The following TIMP3 variants were observed in gnomAD, a reference collection of about 807,000 sequenced individuals.
The protein encoded by TIMP3 is metalloproteinase inhibitor 3.
A neutral mutation model predicts 30.0 loss-of-function variants in TIMP3; 11 were observed. That is an observed-to-expected ratio of 0.37 (90% CI 0.23 to 0.61). The LOEUF is 0.61. Ranked by LOEUF, TIMP3 falls within the 20% of genes least tolerant of loss-of-function variation. The pLI, the probability that TIMP3 is intolerant of heterozygous loss-of-function variation, is 0.70. For missense variants in TIMP3, 181 were observed against 276.8 expected, an observed-to-expected ratio of 0.65 and a Z score of 2.45; for synonymous variants, 112 against 111.3, an observed-to-expected ratio of 1.01 and a Z score of -0.04.
At chr22:32,845,351 C>A (rs967909820) in intron 1 of TIMP3, among the ~76,000 whole-genome samples, 2 of 152,072 alleles carry the variant, frequency 1.3e-5, no homozygotes, top group African/African-American at 4.8e-5. Context: ...CGGCCCCATG[C>A]CCAGCTAATT....
intron 1 of TIMP3, among the ~76,000 whole-genome samples, chr22:32,806,781 T>TTATCATC (rs1373944532): frequency 6.9e-6 from 1 of 144,930 alleles, no homozygotes; most frequent in African/African-American, 2.5e-5. Flanking sequence ...TATTTATCAT[T>TTATCATC]TATCATCTAT....
chr22:32,843,195 T>C (rs1404870027), intron 1 of TIMP3, among the ~76,000 whole-genome samples: 1 of 152,182 alleles, frequency 6.6e-6, no homozygotes, highest in Non-Finnish European at 1.5e-5. Flanking sequence ...CCTTACCAGC[T>C]TGCCATGAGG....
intron 4 of TIMP3, 65 bp downstream of exon 4, chr22:32,858,203 TC>T: frequency 2.5e-6 from 4 of 1,599,930 alleles, no homozygotes; most frequent in Non-Finnish European, 3.4e-6. Context: ...AAACATCAGC[TC>T]CCAATGCACT....
chr22:32,806,623 T>C (rs1482614100), intron 1 of TIMP3, among the ~76,000 whole-genome samples: 3 of 152,208 alleles, frequency 2.0e-5, no homozygotes, highest in African/African-American at 4.8e-5. Flanking sequence ...TGGGCTACCT[T>C]TGAGCTTTAG....
chr22:32,821,518 G>A (rs986289167), intron 1 of TIMP3, among the ~76,000 whole-genome samples: 1 of 152,178 alleles, frequency 6.6e-6, no homozygotes, highest in Non-Finnish European at 1.5e-5. Flanking sequence ...TGAATGACCT[G>A]GTTAACAGAC....
rs1248126375 is a variant in TIMP3, at chr22:32,859,922, C to T, written c.*545C>T. On this transcript the variant is annotated 3_prime_UTR_variant, in exon 5 of 5. Coordinates refer to ENST00000266085, the MANE Select transcript of TIMP3 (RefSeq NM_000362.5). ...ACACCAGGAGCTGCCACTGCATGTC[C>T]CAACCAGACTGTGTCTGTCTGTGTC... The T allele has an allele frequency of 1.8e-5, 3 of 163,694 alleles. No homozygotes were observed. The East Asian group carries it at 5.4e-4, about 30-fold the overall frequency. 10.1% of individuals were successfully genotyped at this position (163,694 alleles called of 1,614,324 possible).
chr22:32,857,436 G>A (rs1461207030), intron 3 of TIMP3, 76 bp downstream of exon 3: 8 of 1,100,570 alleles, frequency 7.3e-6, no homozygotes, highest in East Asian at 4.7e-5. Context: ...GAACACATAC[G>A]GAGTAGTTGA....
intron 1 of TIMP3, among the ~76,000 whole-genome samples, chr22:32,816,335 G>A (rs1051244749): frequency 1.3e-5 from 2 of 152,152 alleles, no homozygotes; most frequent in African/African-American, 4.8e-5. Flanking sequence ...GTAGGTGCTC[G>A]ATAAACATGG....
Position 32,859,208 on chromosome 22 carries a change from T to C in TIMP3, c.467T>C (p.Phe156Ser). 6.2e-7 allele frequency: 1 copy of C among 1,614,198 alleles called. No individual in the cohort carries two copies. Among genetic ancestry groups the C allele is most frequent in the Non-Finnish European group, 8.5e-7 (1 of 1,180,044 alleles). Residue 156 changes from phenylalanine to serine, a missense_variant, in exon 5 of 5, where the codon TTT becomes TCT. Around this residue, in one of 3 missense-constraint regions of TIMP3, gnomAD observed 63 missense variants for 133.3 expected, o/e 0.47. Coordinates refer to ENST00000266085, the MANE Select transcript of TIMP3 (RefSeq NM_000362.5). ...KIKSCYYLPC[F>S]VTSKNECLWT... ...AAGTCCTGCTACTACCTGCCTTGCTTTGTGACTTCCAAGAACGAGTGTCTC... is the reference window on the plus strand; with the variant it reads ...AAGTCCTGCTACTACCTGCCTTGCTCTGTGACTTCCAAGAACGAGTGTCTC...
At chr22:32,851,930 G>A (rs1472284267) in intron 2 of TIMP3, among the ~76,000 whole-genome samples, 11 of 152,122 alleles carry the variant, frequency 7.2e-5, no homozygotes, top group South Asian at 2.1e-4. Context: ...GTAATAGTCC[G>A]TCCATCCATC....
At chr22:32,818,567 G>A (rs2047148666) in intron 1 of TIMP3, among the ~76,000 whole-genome samples, 1 of 152,192 alleles carries the variant, frequency 6.6e-6, no homozygotes, top group African/African-American at 2.4e-5. Context: ...AAGGAGGAAA[G>A]GAAACAGAAG....
chr22:32,846,541 C>A (rs1187675445), intron 1 of TIMP3, among the ~76,000 whole-genome samples: 2 of 152,158 alleles, frequency 1.3e-5, no homozygotes, highest in Non-Finnish European at 2.9e-5. Flanking sequence ...ATTAATACGA[C>A]CCTCACAGCA....
At chr22:32,854,898 A>G (rs2048323127) in intron 2 of TIMP3, among the ~76,000 whole-genome samples, 1 of 152,176 alleles carries the variant, frequency 6.6e-6, no homozygotes, top group African/African-American at 2.4e-5. Flanking sequence ...CAACAGACCA[A>G]GTTATGCTAT....
intron 1 of TIMP3, among the ~76,000 whole-genome samples, chr22:32,835,008 T>G (rs939113861): frequency 6.6e-6 from 1 of 152,210 alleles, no homozygotes; most frequent in South Asian, 2.1e-4. Context: ...GACCTGTCAG[T>G]CTTGGTCTGA....
chr22:32,849,398 C>A, intron 1 of TIMP3, 54 bp from the exon 2 acceptor site: 1 of 1,536,682 alleles, frequency 6.5e-7, no homozygotes, highest in Non-Finnish European at 9.0e-7. Flanking sequence ...AGATGCTGTT[C>A]CTGATGTGGT....
At chr22:32,819,345 G>A (rs1303461514) in intron 1 of TIMP3, among the ~76,000 whole-genome samples, 1 of 152,224 alleles carries the variant, frequency 6.6e-6, no homozygotes, top group Non-Finnish European at 1.5e-5. Flanking sequence ...TGCTGGTGAG[G>A]TCCTGCGGTC....
chr22:32,840,638 G>A (rs1014691546), intron 1 of TIMP3, among the ~76,000 whole-genome samples: 42 of 151,578 alleles, frequency 2.8e-4, no homozygotes, highest in Non-Finnish European at 4.4e-4. Context: ...CCTTACCGCC[G>A]CCCCCTCCGC....
At chr22:32,817,588 G>A (rs771793388) in intron 1 of TIMP3, among the ~76,000 whole-genome samples, 2 of 152,156 alleles carry the variant, frequency 1.3e-5, no homozygotes, top group Non-Finnish European at 2.9e-5. Context: ...GTGCTTTGTA[G>A]GGACCAGAAG....
At position 32,860,923 on chromosome 22, in the gene TIMP3, T is replaced by C. The variant is rs1218280120; in HGVS notation, c.*1546T>C. The C allele has an allele frequency of 6.6e-6, 1 of 151,468 alleles. No individual in the cohort carries two copies. Among genetic ancestry groups the C allele is most frequent in the African/African-American group, 2.4e-5 (1 of 41,288 alleles). 9.4% of individuals were successfully genotyped at this position (151,468 alleles called of 1,614,324 possible). ...TAGGGTTTCTGTTGTGTTTTTTTTTTTTTTTTTGAAATAAAACTATAATAT... is the reference window on the plus strand; with the variant it reads ...TAGGGTTTCTGTTGTGTTTTTTTTTCTTTTTTTGAAATAAAACTATAATAT... On this transcript the variant is annotated 3_prime_UTR_variant, in exon 5 of 5. Transcript: ENST00000266085.
Sources: allele counts gnomAD v4.1 joint callset (sites outside exome capture counted in the v4.1 genomes callset), GRCh38; gene constraint gnomAD v4.1.1; regional missense constraint gnomAD v4.1.1; transcripts MANE v1.5; gene names NCBI Gene and HGNC (gene_info 2026-07-23, HGNC 2026-07-21).